Variants in AKT3 observed in about 807,000 individuals in gnomAD.
The protein encoded by AKT3 is AKT serine/threonine kinase 3.
In AKT3, 15 loss-of-function variants were observed where a neutral mutation model predicts 65.3. The ratio of observed to expected loss-of-function variants is 0.23; its 90% CI spans 0.15 to 0.35. The LOEUF is 0.35. Among genes scored for constraint, AKT3 ranks in the 10% least tolerant of loss-of-function variants. The probability of loss-of-function intolerance (pLI) is 1.00; values close to 1 mark genes in which losing one functional copy is unlikely to be tolerated. For synonymous variants in AKT3, 206 were observed against 183.8 expected (o/e 1.12, Z -0.98); for missense variants, 243 against 576.5 (o/e 0.42, Z 5.92).
intron 2 of AKT3, among the ~76,000 whole-genome samples, chr1:243,722,947 T>C (rs1257256720): frequency 6.6e-6 from 1 of 152,224 alleles, no homozygotes; most frequent in Non-Finnish European, 1.5e-5. Context: ...AAATGTTCAA[T>C]GTGAAATTGT....
At chr1:243,729,632 T>C (rs896553247) in intron 2 of AKT3, among the ~76,000 whole-genome samples, 5 of 152,122 alleles carry the variant, frequency 3.3e-5, no homozygotes, top group African/African-American at 1.2e-4. Flanking sequence ...TAAATAATTA[T>C]AAAATGCTAT....
At chr1:243,696,362 A>C (rs1207337654) in intron 2 of AKT3, among the ~76,000 whole-genome samples, 1 of 152,000 alleles carries the variant, frequency 6.6e-6, no homozygotes, top group African/African-American at 2.4e-5. Flanking sequence ...GTACAGTGTC[A>C]AGAACATAAT....
downstream of AKT3, among the ~76,000 whole-genome samples, chr1:243,495,344 A>G (rs1049585671): frequency 6.6e-6 from 1 of 152,086 alleles, no homozygotes; most frequent in Non-Finnish European, 1.5e-5. Context: ...ATACCTTTCC[A>G]TTCCTCTGGT....
At chr1:243,825,472 A>G (rs1334951619) in intron 2 of AKT3, among the ~76,000 whole-genome samples, 1 of 152,216 alleles carries the variant, frequency 6.6e-6, no homozygotes, top group Non-Finnish European at 1.5e-5. Flanking sequence ...TGACAGAGGA[A>G]TAAGAAAATA....
chr1:243,836,285 C>T (rs540727622), intron 2 of AKT3, among the ~76,000 whole-genome samples: 1 of 151,986 alleles, frequency 6.6e-6, no homozygotes, highest in African/African-American at 2.4e-5. Context: ...AAGAGTGTCA[C>T]TTGAGAAAAA....
At chr1:243,640,905 TA>T (rs2147824072) in intron 5 of AKT3, among the ~76,000 whole-genome samples, 1 of 152,224 alleles carries the variant, frequency 6.6e-6, no homozygotes, top group East Asian at 1.9e-4. Flanking sequence ...AGATGCAAAA[TA>T]TTGATCCTGG....
chr1:243,807,491 C>T (rs886561268), intron 2 of AKT3, among the ~76,000 whole-genome samples: 1 of 152,186 alleles, frequency 6.6e-6, no homozygotes, highest in East Asian at 1.9e-4. Context: ...GAGGGAGGGG[C>T]GCCCGCCATT....
chr1:243,702,001 A>G (rs320345), intron 2 of AKT3, among the ~76,000 whole-genome samples: 126,015 of 151,690 alleles, frequency 0.83, 52,513 homozygotes, highest in Non-Finnish European at 0.87. Context: ...ACATCTCTGA[A>G]GAAAAAAATG....
At chr1:243,810,404 G>T (rs1693055297) in intron 2 of AKT3, among the ~76,000 whole-genome samples, 1 of 152,112 alleles carries the variant, frequency 6.6e-6, no homozygotes, top group South Asian at 2.1e-4. Flanking sequence ...ACACCTCTAT[G>T]CAAATAAACT....
chr1:243,812,785 G>A (rs1203196536), intron 2 of AKT3, among the ~76,000 whole-genome samples: 1 of 152,058 alleles, frequency 6.6e-6, no homozygotes, highest in Non-Finnish European at 1.5e-5. Context: ...GTCCAACAAT[G>A]ATAGATTGGA....
At chr1:243,772,958 G>T (rs1042892087) in intron 2 of AKT3, among the ~76,000 whole-genome samples, 3 of 145,412 alleles carry the variant, frequency 2.1e-5, no homozygotes, top group African/African-American at 7.7e-5. Context: ...AACACCGCAT[G>T]TTCTCACTCA....
At chr1:243,489,226 C>A (rs910389811) in intron 13 of AKT3, 1 of 1,525,112 alleles carries the variant, frequency 6.6e-7, no homozygotes, top group Admixed American at 1.9e-5. Flanking sequence ...GGCCGGCTTT[C>A]TCACGGATCA....
At position 243,649,311 on chromosome 1, in the gene AKT3, ATATGTG is replaced by A. The variant is rs1429366159; in HGVS notation, c.285-3280_285-3275del. On this transcript the variant is annotated intron_variant, in intron 4 of 13. Coordinates refer to ENST00000673466, the MANE Select transcript of AKT3 (RefSeq NM_005465.7). Reference sequence around the variant, plus strand: ...TTATGACCAAGAATATGTTATGTGTATATGTGTGTGTGTGTGTGTGTGTGTGTGTGT... The same window carrying A: ...TTATGACCAAGAATATGTTATGTGTATGTGTGTGTGTGTGTGTGTGTGTGT... Among the ~76,000 whole-genome samples, 22 of 58,410 alleles carry A rather than the reference ATATGTG, an allele frequency of 3.8e-4. No individual in the cohort carries two copies. In the East Asian group the frequency reaches 6.6e-3, roughly 18 times the overall value. 38.3% of individuals were successfully genotyped at this position (58,410 alleles called of 152,430 possible). A position where few individuals can be genotyped will look rare whatever the true frequency, so the allele number is the denominator to read the frequency against.
intron 3 of AKT3, chr1:243,687,535 T>C (rs1455721016): frequency 6.6e-6 from 1 of 152,110 alleles, no homozygotes; most frequent in Non-Finnish European, 1.5e-5. Flanking sequence ...ATGCAGAGGG[T>C]TGCTTTCACC....
chr1:243,686,575 T>G (rs769047700), intron 3 of AKT3, among the ~76,000 whole-genome samples: 2 of 142,482 alleles, frequency 1.4e-5, no homozygotes, highest in Non-Finnish European at 3.0e-5. Flanking sequence ...ACTAAGTACC[T>G]TCTATCTTAC....
In AKT3 at chr1:243,501,283, G is replaced by T. The variant is rs550016430; in HGVS notation, c.*3966C>A. The T allele has an allele frequency of 2.1e-5, 5 of 232,884 alleles. No homozygotes were observed. Among genetic ancestry groups the T allele is most frequent in the African/African-American group, 2.2e-5 (1 of 45,308 alleles). The allele number at this position is 232,884 out of a possible 1,614,324, so 14.4% of individuals were successfully genotyped here. On this transcript the variant is annotated 3_prime_UTR_variant, in exon 14 of 14. Coordinates refer to ENST00000673466, the MANE Select transcript of AKT3 (RefSeq NM_005465.7). ...CATCCTACCCATCTACATCACCCAC[G>T]TCTAAGTTTGTTAATTTGCCATGAC...
At chr1:243,583,540 C>CAAAAAAAAAAAAAACAA in intron 8 of AKT3, among the ~76,000 whole-genome samples, 1 of 30,014 alleles carries the variant, frequency 3.3e-5, no homozygotes, top group East Asian at 8.5e-4. Context: ...AAGTAAGTCT[C>CAAAAAAAAAAAAAACAA]AAAAAAAAAA....
At chr1:243,828,113 C>T (rs898024023) in intron 2 of AKT3, among the ~76,000 whole-genome samples, 6 of 151,794 alleles carry the variant, frequency 4.0e-5, no homozygotes, top group Admixed American at 6.6e-5. Context: ...GCAAGTATCC[C>T]GACTGTCTAT....
chr1:243,722,963 T>C (rs1346743624), intron 2 of AKT3, among the ~76,000 whole-genome samples: 1 of 152,228 alleles, frequency 6.6e-6, no homozygotes, highest in Non-Finnish European at 1.5e-5. Flanking sequence ...ATTGTTAATA[T>C]GTTAATATGT....
Sources: gnomAD v4.1 joint callset for allele counts (sites outside exome capture counted in the v4.1 genomes callset) on GRCh38, gnomAD v4.1.1 for gene constraint, MANE v1.5 for transcripts, NCBI Gene and HGNC (gene_info 2026-07-23, HGNC 2026-07-21) for gene names.